The following F5 variants were observed in gnomAD, a reference collection of about 807,000 sequenced individuals.
The protein encoded by F5 is coagulation factor V, also known as activated protein c cofactor.
Under a neutral mutation model 216.4 loss-of-function variants are expected in F5, and 138 were observed. The ratio of observed to expected loss-of-function variants is 0.64; its 90% CI spans 0.56 to 0.73. The LOEUF (loss-of-function observed/expected upper bound fraction) is 0.73. F5 is among the 30% of genes least tolerant of loss of function. F5 has a pLI of 0.00. For missense variants in F5, 2,403 were observed against 2,674.0 expected, an observed-to-expected ratio of 0.90 and a Z score of 2.24; for synonymous variants, 916 against 930.7, an observed-to-expected ratio of 0.98 and a Z score of 0.29.
rs538346205 is a variant in F5 at position 169,531,672 on chromosome 1, A to G, written c.4972-650T>C. On this transcript the variant is annotated intron_variant, in intron 14 of 24. Coordinates refer to ENST00000367797, the MANE Select transcript of F5 (RefSeq NM_000130.5). ...CTGTGAAATGCACAGGGACAGGTGGAACCTGGTGAGAAATGAGGCTAGAAA... is the reference window on the plus strand; with the variant it reads ...CTGTGAAATGCACAGGGACAGGTGGGACCTGGTGAGAAATGAGGCTAGAAA... Among the ~76,000 whole-genome samples, 12 of 152,200 alleles carry G rather than the reference A, an allele frequency of 7.9e-5. No individual in the cohort carries two copies. The South Asian group carries it at 2.5e-3, about 32-fold the overall frequency.
chr1:169,555,471 T>G, intron 6 of F5, 124 bp from the exon 7 acceptor site: 1 of 1,073,302 alleles, frequency 9.3e-7, no homozygotes, highest in Non-Finnish European at 1.4e-6. Flanking sequence ...AAAGTAATGC[T>G]CAGGCAATTT....
chr1:169,549,963 A>G lies in F5; in HGVS notation c.1449T>C (p.Tyr483=), dbSNP rs748530167. The G allele has an allele frequency of 1.4e-5, 22 of 1,614,154 alleles. No individual in the cohort carries two copies. The highest frequency in any genetic ancestry group is 1.8e-5 in the Non-Finnish European group (21 of 1,180,020). ...CATCAAACTCTAAGATGTTCCACTT[A>G]TAAGTATAGGTTTCCCCTGGTTGAA... ...RAVQPGETYT[Y]KWNILEFDEP... The change falls in exon 10 of 25, where the codon TAT becomes TAC. Residue 483 remains tyrosine, a synonymous_variant. Coordinates refer to ENST00000367797, the MANE Select transcript of F5 (RefSeq NM_000130.5).
Position 169,586,367 on chromosome 1 carries a change from C to T in F5, c.20G>A (p.Arg7His), listed in dbSNP as rs1661104553. Residue 7 changes from arginine to histidine, a missense_variant, in exon 1 of 25, where the codon CGC (arginine) becomes CAC (histidine). Arg to His is a conservative substitution (Grantham distance 29, BLOSUM62 0). Coordinates refer to ENST00000367797, the MANE Select transcript of F5 (RefSeq NM_000130.5). ...GCCCAAGACCACCAGGACCCAGAGG[C>T]GTGGGCAGCCTGGGAACATGCTTCC... is the stretch of plus-strand genomic sequence containing the variant. MFPGCP[R>H]LWVLVVLGTS... 1.2e-6 allele frequency: 2 copies of T among 1,613,716 alleles called. No individual in the cohort carries two copies. Among genetic ancestry groups the T allele is most frequent in the Non-Finnish European group, 1.7e-6 (2 of 1,179,962 alleles).
At chr1:169,578,462 T>C (rs1405201386) in intron 2 of F5, among the ~76,000 whole-genome samples, 2 of 152,234 alleles carry the variant, frequency 1.3e-5, no homozygotes, top group Non-Finnish European at 2.9e-5. Flanking sequence ...GTCTTCAGCC[T>C]GGAATTAGTC....
chr1:169,541,245 T>C lies in F5; in HGVS notation c.3845A>G (p.His1282Arg), dbSNP rs143333036. 1,228 of 1,590,204 alleles carry C rather than the reference T, an allele frequency of 7.7e-4. 3 individuals are homozygous for C. In the African/African-American group the frequency reaches 0.014, roughly 18 times the overall value. ...GCTGAAGTCTAGAGAAAGGGTTGTA[T>C]GGCTGAGGTCTGGAGAAAGGGGCAT... ...GQMPLSPDLSHTTLSLDFSQT... is the reference protein window; with the variant it reads ...GQMPLSPDLSRTTLSLDFSQT... Residue 1282 changes from histidine (H) to arginine (R), a missense_variant, in exon 13 of 25, where the codon CAT (histidine) becomes CGT (arginine). Physicochemically the swap from His to Arg is conservative, Grantham distance 29. Transcript: ENST00000367797.
At chr1:169,550,270 T>A (rs1988607) in intron 9 of F5, among the ~76,000 whole-genome samples, 6 of 88,988 alleles carry the variant, frequency 6.7e-5, no homozygotes, top group Admixed American at 5.6e-4. Context: ...CCTAATGCTA[T>A]CCCTCCCCCC....
chr1:169,562,783 T>C (rs886066992), intron 3 of F5, among the ~76,000 whole-genome samples: 1 of 152,080 alleles, frequency 6.6e-6, no homozygotes, highest in Non-Finnish European at 1.5e-5. Context: ...TCATACATTT[T>C]ATTTATATAT....
chr1:169,550,133 AT>A (rs1018448979), intron 9 of F5, 118 bp from the exon 10 acceptor site: 16 of 836,130 alleles, frequency 1.9e-5, no homozygotes, highest in East Asian at 5.4e-5. Context: ...TTTTATTTTT[AT>A]TTTTTTTAAA....
rs1392717352 is a variant in F5 at position 169,527,753 on chromosome 1, C to T, written c.5599+162G>A. Among the ~76,000 whole-genome samples the T allele has an allele frequency of 3.9e-5, 6 of 152,178 alleles. No individual in the cohort carries two copies. In the East Asian group the frequency reaches 5.8e-4, roughly 15 times the overall value. On this transcript the variant is annotated intron_variant, in intron 17 of 24. Coordinates refer to ENST00000367797, the MANE Select transcript of F5 (RefSeq NM_000130.5). ...TAAATTAGGTGACATTTTTGTACTC[C>T]GTATATACTTTGGGTCTATGGGTTT...
intron 16 of F5, among the ~76,000 whole-genome samples, chr1:169,528,528 G>A (rs1295792865): frequency 6.6e-6 from 1 of 152,186 alleles, no homozygotes; most frequent in African/African-American, 2.4e-5. Flanking sequence ...TAAATTCAGA[G>A]AAAGTTTCAG....
chr1:169,540,266 G>A, intron 13 of F5, 28 bp downstream of exon 13: 2 of 1,611,672 alleles, frequency 1.2e-6, no homozygotes, highest in East Asian at 2.2e-5. Flanking sequence ...GGAAAAATGA[G>A]AATAAAAAAG....
chr1:169,551,651 C>T (rs1015427809), intron 8 of F5, among the ~76,000 whole-genome samples: 2 of 152,250 alleles, frequency 1.3e-5, no homozygotes, highest in East Asian at 1.9e-4. Context: ...ATAAAACACA[C>T]AGGAGTCCTA....
At chr1:169,539,887 C>T (rs1659792125) in intron 13 of F5, among the ~76,000 whole-genome samples, 1 of 152,052 alleles carries the variant, frequency 6.6e-6, no homozygotes, top group South Asian at 2.1e-4. Flanking sequence ...CTGATCTAAA[C>T]AAGTAAATGC....
At chr1:169,577,426 A>T (rs1346721786) in intron 2 of F5, among the ~76,000 whole-genome samples, 2 of 150,824 alleles carry the variant, frequency 1.3e-5, no homozygotes, top group African/African-American at 4.9e-5. Context: ...GCTGGAGTGC[A>T]GTGGTGTGAT....
At chr1:169,546,720 G>T in intron 10 of F5, 128 bp from the exon 11 acceptor site, 1 of 828,992 alleles carries the variant, frequency 1.2e-6, no homozygotes, top group Admixed American at 2.1e-5. Flanking sequence ...AAGCAATAGG[G>T]AAAGGATTCT....
intron 9 of F5, among the ~76,000 whole-genome samples, chr1:169,550,290 C>CT (rs1660134249): frequency 2.0e-5 from 1 of 51,140 alleles, no homozygotes; most frequent in Non-Finnish European, 3.1e-5. Flanking sequence ...CGCCCCCCAC[C>CT]CCCCCCCCCC....
chr1:169,541,363 C>G lies in F5; in HGVS notation c.3727G>C (p.Asp1243His), dbSNP rs1333833067. 1 of 1,610,342 alleles carries G rather than the reference C, an allele frequency of 6.2e-7. No individual in the cohort carries two copies. The highest frequency in any genetic ancestry group is 8.5e-7 in the Non-Finnish European group (1 of 1,178,510). The change falls in exon 13 of 25, where the codon GAC becomes CAC. Residue 1243 changes from aspartate to histidine, a missense_variant. By Grantham distance (81) the Asp-to-His change is moderately conservative (BLOSUM62 -1). Coordinates refer to ENST00000367797, the MANE Select transcript of F5 (RefSeq NM_000130.5). ...AAAGAAAGGGTTGTATGGCTGAGGT[C>G]TGGAGAAAGGGTTGTATGGCTGAGG... ...PDLSHTTLSP[D>H]LSHTTLSLDL...
chr1:169,553,646 T>C (rs1045899980), intron 7 of F5, among the ~76,000 whole-genome samples: 10 of 152,288 alleles, frequency 6.6e-5, no homozygotes, highest in Middle Eastern at 3.4e-3. Flanking sequence ...GGCGTGAGCC[T>C]GGGAGGCGGA....
chr1:169,541,604 A>T lies in F5; in HGVS notation c.3486T>A (p.Ser1162Arg), dbSNP rs777302206. 16 of 1,613,982 alleles carry T rather than the reference A, an allele frequency of 9.9e-6. No individual in the cohort carries two copies. Among genetic ancestry groups the T allele is most frequent in the Non-Finnish European group, 1.4e-5 (16 of 1,180,002 alleles). Residue 1162 changes from serine to arginine, a missense_variant, in exon 13 of 25, where the codon AGT (serine) becomes AGA (arginine). Coordinates refer to ENST00000367797, the MANE Select transcript of F5 (RefSeq NM_000130.5). Reference protein sequence around the residue: ...ELSEMLEYDRSHKSFPTDISQ... With the variant: ...ELSEMLEYDRRHKSFPTDISQ... ...TTATATCTGTGGGGAAGGACTTGTG[A>T]CTTCGGTCATACTCAAGCATTTCAC...
Sources: gnomAD v4.1 joint callset for allele counts (sites outside exome capture counted in the v4.1 genomes callset) on GRCh38, gnomAD v4.1.1 for gene constraint, MANE v1.5 for transcripts, NCBI Gene and HGNC (gene_info 2026-07-23, HGNC 2026-07-21) for gene names.